The following STAU2 variants were observed in gnomAD, a reference collection of about 807,000 sequenced individuals.
The protein encoded by STAU2 is double-stranded RNA-binding protein Staufen homolog 2.
Under a neutral mutation model 65.9 loss-of-function variants are expected in STAU2, and 20 were observed. The ratio of observed to expected loss-of-function variants is 0.30; its 90% CI spans 0.21 to 0.44. The LOEUF (loss-of-function observed/expected upper bound fraction) is 0.44. Ranked by LOEUF, STAU2 falls within the 20% of genes least tolerant of loss-of-function variation. The probability of loss-of-function intolerance (pLI) is 1.00; values close to 1 mark genes in which losing one functional copy is unlikely to be tolerated. For missense variants in STAU2, 558 were observed against 683.9 expected, an observed-to-expected ratio of 0.82 and a Z score of 2.05; for synonymous variants, 232 against 233.9, an observed-to-expected ratio of 0.99 and a Z score of 0.07.
chr8:73,525,304 A>C (rs1443299430), intron 13 of STAU2, among the ~76,000 whole-genome samples: 1 of 152,220 alleles, frequency 6.6e-6, no homozygotes, highest in Non-Finnish European at 1.5e-5. Context: ...ATATAGTGAG[A>C]CCACTATGTA....
intron 13 of STAU2, chr8:73,551,372 C>T: frequency 3.0e-6 from 3 of 987,062 alleles, no homozygotes; most frequent in Non-Finnish European, 3.6e-6. Context: ...ATTGTTGGTA[C>T]TATCTGAGGC....
chr8:73,595,150 TA>T lies in STAU2; in HGVS notation c.1161+15del, dbSNP rs778486777. The T allele has an allele frequency of 6.3e-7, 1 of 1,588,576 alleles. No homozygotes were observed. On this transcript the variant is annotated intron_variant, in intron 11 of 14. Coordinates refer to ENST00000524300, the MANE Select transcript of STAU2 (RefSeq NM_001164380.2). Reference sequence around the variant, plus strand: ...TTATGACAGATAGGATACATACATGTAAACTTAACTCTTACCTTCTCAAGTT... The same window carrying T: ...TTATGACAGATAGGATACATACATGTAACTTAACTCTTACCTTCTCAAGTT...
chr8:73,741,732 C>T (rs1169550103), intron 1 of STAU2, among the ~76,000 whole-genome samples: 4 of 152,088 alleles, frequency 2.6e-5, no homozygotes, highest in Non-Finnish European at 5.9e-5. Context: ...AGGCTGGTCT[C>T]GAACTCCTGG....
intron 7 of STAU2, 140 bp downstream of exon 7, chr8:73,617,152 C>A: frequency 9.8e-7 from 1 of 1,019,346 alleles, no homozygotes; most frequent in African/African-American, 1.6e-5. Context: ...CCTGCAGGAA[C>A]ACATGAAGCA....
intron 13 of STAU2, among the ~76,000 whole-genome samples, chr8:73,485,218 C>T (rs1001119618): frequency 5.3e-5 from 7 of 132,410 alleles, no homozygotes; most frequent in African/African-American, 1.7e-4. Flanking sequence ...TAGTGGCACA[C>T]TATAGTGGAA....
chr8:73,460,118 G>A (rs947631915), intron 13 of STAU2, among the ~76,000 whole-genome samples: 1 of 152,194 alleles, frequency 6.6e-6, no homozygotes, highest in African/African-American at 2.4e-5. Context: ...TTATGTATCT[G>A]TATCTTCTTA....
intron 3 of STAU2, among the ~76,000 whole-genome samples, chr8:73,718,248 ACT>A (rs1821392294): frequency 6.6e-6 from 1 of 152,218 alleles, no homozygotes. Context: ...GTCCAATAGT[ACT>A]GTTTAACTCC....
At chr8:73,726,441 T>C (rs1442227376) in intron 3 of STAU2, among the ~76,000 whole-genome samples, 1 of 152,168 alleles carries the variant, frequency 6.6e-6, no homozygotes, top group Non-Finnish European at 1.5e-5. Flanking sequence ...AAAAAATAAA[T>C]AAAAGTCATT....
chr8:73,671,287 C>T (rs568513148), intron 6 of STAU2, among the ~76,000 whole-genome samples: 8 of 151,426 alleles, frequency 5.3e-5, no homozygotes, highest in Non-Finnish European at 8.8e-5. Context: ...AAAAATTAGC[C>T]GGAAATCGCT....
chr8:73,574,790 G>A (rs1011167600), intron 12 of STAU2, among the ~76,000 whole-genome samples: 4 of 152,036 alleles, frequency 2.6e-5, no homozygotes, highest in African/African-American at 7.3e-5. Context: ...ATAGCATTAG[G>A]AGATATACCT....
chr8:73,687,306 A>ATT (rs1563506622), intron 5 of STAU2, among the ~76,000 whole-genome samples: 4 of 68,226 alleles, frequency 5.9e-5, no homozygotes, highest in East Asian at 3.8e-4. Flanking sequence ...ATATTTATAA[A>ATT]TATAATTTAT....
intron 9 of STAU2, among the ~76,000 whole-genome samples, chr8:73,609,048 G>A (rs538850244): frequency 6.6e-6 from 1 of 152,320 alleles, no homozygotes; most frequent in East Asian, 1.9e-4. Flanking sequence ...CAGTCACTGA[G>A]ATAAAGAATG....
At chr8:73,443,894 C>T (rs1420337717) in intron 13 of STAU2, among the ~76,000 whole-genome samples, 1 of 151,654 alleles carries the variant, frequency 6.6e-6, no homozygotes, top group Non-Finnish European at 1.5e-5. Flanking sequence ...ATCTGGATAC[C>T]AGTTAAAGTT....
At position 73,599,087 on chromosome 8, in the gene STAU2, T is replaced by C. The variant is rs539717190; in HGVS notation, c.1030-3790A>G. 9.8e-5 allele frequency among the ~76,000 whole-genome samples: 15 copies of C among 152,304 alleles called. No individual in the cohort carries two copies. In the South Asian group the frequency reaches 2.9e-3, roughly 29 times the overall value. ...CCTAAACTCAATTAATTGAACTCAA[T>C]GAAAACTCAATCAAAATTCCATATA... On this transcript the variant is annotated intron_variant, in intron 10 of 14. Transcript: ENST00000524300.
chr8:73,468,479 T>C (rs1445365191), intron 13 of STAU2, among the ~76,000 whole-genome samples: 1 of 152,098 alleles, frequency 6.6e-6, no homozygotes, highest in Non-Finnish European at 1.5e-5. Context: ...CTAAAGAGCT[T>C]CTGCACAGCA....
At chr8:73,471,817 T>TAAAAAAAAAAAAAAA (rs569600617) in intron 13 of STAU2, among the ~76,000 whole-genome samples, 1 of 86,808 alleles carries the variant, frequency 1.2e-5, no homozygotes, top group East Asian at 3.4e-4. Flanking sequence ...AGACTCCAAC[T>TAAAAAAAAAAAAAAA]AAAAAAAAAA....
At chr8:73,732,919 T>C (rs966460749) in intron 3 of STAU2, 4 of 152,222 alleles carry the variant, frequency 2.6e-5, no homozygotes, top group East Asian at 1.9e-4. Context: ...CATTTTGCCT[T>C]TGTTATCTCA....
intron 13 of STAU2, among the ~76,000 whole-genome samples, chr8:73,483,280 C>G (rs779637036): frequency 3.3e-5 from 5 of 152,044 alleles, no homozygotes; most frequent in Non-Finnish European, 5.9e-5. Flanking sequence ...TCCACAAGAA[C>G]TTAAAGAAAT....
chr8:73,707,566 G>A (rs12681843), intron 4 of STAU2, among the ~76,000 whole-genome samples: 30,761 of 151,988 alleles, frequency 0.2, 3,481 homozygotes, highest in East Asian at 0.37. Flanking sequence ...AAATGTGATG[G>A]AATCACCCAG....
Sources: allele counts gnomAD v4.1 joint callset (sites outside exome capture counted in the v4.1 genomes callset), GRCh38; gene constraint gnomAD v4.1.1; transcripts MANE v1.5; gene names NCBI Gene and HGNC (gene_info 2026-07-23, HGNC 2026-07-21).